The following GSK3B variants were observed in gnomAD, a reference collection of about 807,000 sequenced individuals.
The protein encoded by GSK3B is glycogen synthase kinase-3 beta.
GSK3B carries 15 observed loss-of-function variants against 56.4 expected under a neutral mutation model. The observed-to-expected ratio is 0.27, with a 90% confidence interval of 0.18 to 0.41. The LOEUF is 0.41. GSK3B is among the 10% of genes least tolerant of loss of function. The pLI is 1.00. For missense variants in GSK3B, 300 were observed against 513.4 expected, an observed-to-expected ratio of 0.58 and a Z score of 4.02; for synonymous variants, 181 against 188.9, an observed-to-expected ratio of 0.96 and a Z score of 0.34.
chr3:119,859,598 CT>C (rs564890594), intron 9 of GSK3B, among the ~76,000 whole-genome samples: 193 of 152,138 alleles, frequency 1.3e-3, no homozygotes, highest in Non-Finnish European at 2.4e-3. Flanking sequence ...AATTCCTATT[CT>C]GTAACACATT....
intron 1 of GSK3B, among the ~76,000 whole-genome samples, chr3:120,044,239 T>C (rs969456497): frequency 2.0e-5 from 3 of 152,160 alleles, no homozygotes; most frequent in Admixed American, 1.3e-4. Context: ...TCTCTCAATG[T>C]CAATTTCACC....
At chr3:120,073,522 C>T (rs750071911) in intron 1 of GSK3B, among the ~76,000 whole-genome samples, 11 of 152,110 alleles carry the variant, frequency 7.2e-5, no homozygotes, top group Non-Finnish European at 1.5e-4. Context: ...AAGGTATTTG[C>T]TCTTAAAATT....
At chr3:119,917,354 CAAGATGTAAACTGTACAGAT>C (rs1576197615) in intron 4 of GSK3B, among the ~76,000 whole-genome samples, 1 of 152,032 alleles carries the variant, frequency 6.6e-6, no homozygotes, top group East Asian at 1.9e-4. Context: ...TAAAATGAAG[CAAGATGTAAACTGTACAGAT>C]AAGATCTTTT....
intron 2 of GSK3B, among the ~76,000 whole-genome samples, chr3:119,958,604 G>C (rs1028304385): frequency 3.3e-5 from 5 of 152,028 alleles, no homozygotes; most frequent in Non-Finnish European, 7.4e-5. Context: ...CTTTAACCAG[G>C]GAGGTCAAGG....
At chr3:120,030,889 G>GT (rs1252388751) in intron 1 of GSK3B, among the ~76,000 whole-genome samples, 2 of 152,124 alleles carry the variant, frequency 1.3e-5, no homozygotes, top group African/African-American at 2.4e-5. Flanking sequence ...GTGAACAAAT[G>GT]TACTTACAAC....
chr3:119,833,913 G>A (rs2055646481), intron 10 of GSK3B, among the ~76,000 whole-genome samples: 1 of 151,856 alleles, frequency 6.6e-6, no homozygotes, highest in Admixed American at 6.6e-5. Flanking sequence ...GGCCAGGCTG[G>A]TCTCGAACTC....
intron 1 of GSK3B, among the ~76,000 whole-genome samples, chr3:120,010,550 C>CA (rs927233309): frequency 6.6e-6 from 1 of 151,972 alleles, no homozygotes; most frequent in African/African-American, 2.4e-5. Context: ...ACTGTAACAC[C>CA]AAAAAAAGAT....
intron 1 of GSK3B, among the ~76,000 whole-genome samples, chr3:120,080,032 C>A (rs9289139): frequency 0.018 from 2,749 of 152,238 alleles, 91 homozygotes; most frequent in African/African-American, 0.063. Flanking sequence ...AGGTGGCACA[C>A]ACCTGCAATC....
At chr3:119,878,996 G>A (rs1385196932) in intron 7 of GSK3B, among the ~76,000 whole-genome samples, 1 of 152,134 alleles carries the variant, frequency 6.6e-6, no homozygotes, top group Non-Finnish European at 1.5e-5. Context: ...TAAGCGTATG[G>A]AAAAACTTAT....
chr3:119,989,517 C>T (rs1301046397), intron 2 of GSK3B, among the ~76,000 whole-genome samples: 1 of 151,792 alleles, frequency 6.6e-6, no homozygotes, highest in African/African-American at 2.4e-5. Context: ...TACAGGCAGG[C>T]GCCTGTAGTC....
intron 4 of GSK3B, among the ~76,000 whole-genome samples, chr3:119,918,043 G>C (rs573914636): frequency 8.6e-4 from 131 of 152,220 alleles, no homozygotes; most frequent in African/African-American, 3.1e-3. Context: ...GAGGCCCAGA[G>C]AGATTAAGCA....
intron 1 of GSK3B, among the ~76,000 whole-genome samples, chr3:120,092,535 T>C (rs752510464): frequency 6.6e-6 from 1 of 152,212 alleles, no homozygotes; most frequent in Non-Finnish European, 1.5e-5. Context: ...AACTTAGTAT[T>C]TGGCACTATG....
intron 1 of GSK3B, among the ~76,000 whole-genome samples, chr3:120,081,265 A>C (rs990928022): frequency 1.3e-5 from 2 of 152,052 alleles, no homozygotes; most frequent in Admixed American, 6.6e-5. Context: ...GAAAAAAAAA[A>C]AAAACAGGGT....
Position 120,094,346 on chromosome 3 carries a change from C to A in GSK3B, c.-912G>T. 3.5e-6 allele frequency: 1 copy of A among 288,648 alleles called. No individual in the cohort carries two copies. The highest frequency in any genetic ancestry group is 6.5e-6 in the Non-Finnish European group (1 of 154,462). 17.9% of individuals were successfully genotyped at this position (288,648 alleles called of 1,614,324 possible). A position where few individuals can be genotyped will look rare whatever the true frequency, so the allele number is the denominator to read the frequency against. On this transcript the variant is annotated 5_prime_UTR_variant, in exon 1 of 11. Coordinates refer to ENST00000264235, the MANE Select transcript of GSK3B (RefSeq NM_001146156.2). ...GCCCTGTCAGCGGCTGCGGGGCCGGCTCCTCCTCGCTTCCTTCCTTCCTTT... is the reference window on the plus strand; with the variant it reads ...GCCCTGTCAGCGGCTGCGGGGCCGGATCCTCCTCGCTTCCTTCCTTCCTTT...
intron 3 of GSK3B, among the ~76,000 whole-genome samples, chr3:119,937,365 CTG>C (rs2057005921): frequency 6.6e-6 from 1 of 152,050 alleles, no homozygotes; most frequent in Admixed American, 6.5e-5. Context: ...TAAAAAGAGC[CTG>C]ACACCTCTCT....
chr3:120,094,355 G>GCTTC lies in GSK3B; in HGVS notation c.-925_-922dup, dbSNP rs1036967363. On this transcript the variant is annotated 5_prime_UTR_variant, in exon 1 of 11. Transcript: ENST00000264235. ...GCGGCTGCGGGGCCGGCTCCTCCTC[G>GCTTC]CTTCCTTCCTTCCTTTGTCACTTGG... 6.7e-5 allele frequency: 20 copies of GCTTC among 296,794 alleles called. No individual in the cohort carries two copies. Among genetic ancestry groups the GCTTC allele is most frequent in the African/African-American group, 2.6e-4 (12 of 45,444 alleles). 18.4% of individuals were successfully genotyped at this position (296,794 alleles called of 1,614,324 possible).
chr3:120,019,909 G>A (rs1197107503), intron 1 of GSK3B, among the ~76,000 whole-genome samples: 2 of 152,110 alleles, frequency 1.3e-5, no homozygotes, highest in Non-Finnish European at 2.9e-5. Flanking sequence ...AGCTAACTAT[G>A]GCTTCACTAG....
chr3:119,948,130 A>C (rs1382821089), intron 2 of GSK3B, among the ~76,000 whole-genome samples: 1 of 152,216 alleles, frequency 6.6e-6, no homozygotes, highest in African/African-American at 2.4e-5. Flanking sequence ...TGAAGGACAA[A>C]TTACATAACA....
At chr3:119,967,085 C>CA (rs1211547444) in intron 2 of GSK3B, among the ~76,000 whole-genome samples, 1 of 145,280 alleles carries the variant, frequency 6.9e-6, no homozygotes, top group Non-Finnish European at 1.5e-5. Flanking sequence ...TTACAGCTAC[C>CA]TTTTTTTTTT....
Sources: gnomAD v4.1 joint callset for allele counts (sites outside exome capture counted in the v4.1 genomes callset) on GRCh38, gnomAD v4.1.1 for gene constraint, MANE v1.5 for transcripts, NCBI Gene and HGNC (gene_info 2026-07-23, HGNC 2026-07-21) for gene names.